Variants in PLA2G4C observed in about 807,000 individuals in gnomAD.
PLA2G4C encodes the protein cytosolic phospholipase A2 gamma.
PLA2G4C carries 64 observed loss-of-function variants against 73.8 expected under a neutral mutation model. The ratio of observed to expected loss-of-function variants is 0.87; its 90% CI spans 0.71 to 1.07. The LOEUF is 1.07. Among genes scored for constraint, PLA2G4C ranks in the 50% least tolerant of loss-of-function variants. PLA2G4C has a pLI of 0.00. For synonymous variants in PLA2G4C, 254 were observed against 252.1 expected, an observed-to-expected ratio of 1.01 and a Z score of -0.07; for missense variants, 622 against 665.4, an observed-to-expected ratio of 0.93 and a Z score of 0.72.
chr19:48,092,562 T>C lies in PLA2G4C; in HGVS notation c.710-2145A>G, dbSNP rs551688706. Among the ~76,000 whole-genome samples, 3 of 151,932 alleles carry C rather than the reference T, an allele frequency of 2.0e-5. No individual in the cohort carries two copies. In the South Asian group the frequency reaches 6.2e-4, roughly 31 times the overall value. Reference sequence around the variant, plus strand: ...AATGTGGTATATTCGTACAATGGAATATGATTCAGCCATAAAAAGAAAGGA... The same window carrying C: ...AATGTGGTATATTCGTACAATGGAACATGATTCAGCCATAAAAAGAAAGGA... On this transcript the variant is annotated intron_variant, in intron 7 of 16. Transcript: ENST00000599921.
chr19:48,089,238 C>T (rs779545008), intron 8 of PLA2G4C, among the ~76,000 whole-genome samples: 18 of 152,076 alleles, frequency 1.2e-4, no homozygotes, highest in Non-Finnish European at 7.4e-5. Context: ...ACCAGCCTGG[C>T]CAACATGGTG....
At chr19:48,057,701 G>A (rs1030401035) in intron 14 of PLA2G4C, among the ~76,000 whole-genome samples, 1 of 150,024 alleles carries the variant, frequency 6.7e-6, no homozygotes, top group Non-Finnish European at 1.5e-5. Flanking sequence ...TGTTGGCCAG[G>A]CTGGTCTCAA....
chr19:48,048,840 T>C (rs1967617698), intron 16 of PLA2G4C, among the ~76,000 whole-genome samples: 1 of 152,310 alleles, frequency 6.6e-6, no homozygotes, highest in South Asian at 2.1e-4. Flanking sequence ...CATGTTGAAA[T>C]GTGATCCCCA....
intron 14 of PLA2G4C, among the ~76,000 whole-genome samples, chr19:48,059,572 C>G (rs532517481): frequency 2.6e-5 from 4 of 152,184 alleles, no homozygotes; most frequent in African/African-American, 9.6e-5. Context: ...ACAAAGCAGA[C>G]AGAAGAAGGT....
intron 4 of PLA2G4C, among the ~76,000 whole-genome samples, chr19:48,101,821 C>G (rs910317398): frequency 6.6e-6 from 1 of 151,458 alleles, no homozygotes; most frequent in Non-Finnish European, 1.5e-5. Flanking sequence ...ATTACAGGTG[C>G]GTGCCACCAC....
At chr19:48,058,271 C>T (rs1414022157) in intron 14 of PLA2G4C, among the ~76,000 whole-genome samples, 2 of 151,672 alleles carry the variant, frequency 1.3e-5, no homozygotes, top group Admixed American at 6.6e-5. Flanking sequence ...TGCACTCCAG[C>T]CCGGGCAACA....
intron 1 of PLA2G4C, among the ~76,000 whole-genome samples, chr19:48,108,236 G>A (rs1269361679): frequency 6.6e-6 from 1 of 152,170 alleles, no homozygotes; most frequent in Non-Finnish European, 1.5e-5. Flanking sequence ...TTGGGCTCAA[G>A]CAATCCTCCT....
At chr19:48,049,436 C>G (rs1308272497) in intron 16 of PLA2G4C, among the ~76,000 whole-genome samples, 2 of 152,134 alleles carry the variant, frequency 1.3e-5, no homozygotes, top group Admixed American at 6.5e-5. Flanking sequence ...TCGGTCGTCT[C>G]CATGGCACTT....
chr19:48,073,901 C>T (rs62129320), intron 12 of PLA2G4C, among the ~76,000 whole-genome samples: 1 of 152,042 alleles, frequency 6.6e-6, no homozygotes, highest in Admixed American at 6.6e-5. Flanking sequence ...GGGATCCGCC[C>T]CCATGATCCA....
intron 4 of PLA2G4C, among the ~76,000 whole-genome samples, chr19:48,100,838 C>T (rs190446692): frequency 0.012 from 1,826 of 147,708 alleles, 44 homozygotes; most frequent in African/African-American, 0.043. Context: ...GGCGTGAACC[C>T]GGGAGGCTGA....
intron 10 of PLA2G4C, among the ~76,000 whole-genome samples, chr19:48,078,871 C>CTTTTT (rs33976382): frequency 0.017 from 2,311 of 137,894 alleles, 75 homozygotes; most frequent in African/African-American, 0.059. Context: ...TCCTAAAATC[C>CTTTTT]TTTTTTTTTT....
intron 5 of PLA2G4C, 149 bp downstream of exon 5, chr19:48,099,522 T>C: frequency 1.8e-6 from 1 of 568,452 alleles, no homozygotes; most frequent in Non-Finnish European, 3.1e-6. Context: ...ACTTTAGTTT[T>C]GAGGCATCAA....
At chr19:48,075,435 C>G (rs1265371544) in intron 11 of PLA2G4C, among the ~76,000 whole-genome samples, 2 of 151,980 alleles carry the variant, frequency 1.3e-5, no homozygotes, top group Admixed American at 6.6e-5. Flanking sequence ...GATCCACCCC[C>G]CTCAGCCTCC....
At chr19:48,095,013 G>A (rs939261988) in intron 7 of PLA2G4C, among the ~76,000 whole-genome samples, 2 of 152,192 alleles carry the variant, frequency 1.3e-5, no homozygotes, top group Admixed American at 6.5e-5. Context: ...TCAGCCTCCT[G>A]AGTAGCTGGG....
intron 12 of PLA2G4C, among the ~76,000 whole-genome samples, chr19:48,069,878 C>T (rs977109920): frequency 1.3e-5 from 2 of 152,152 alleles, no homozygotes; most frequent in African/African-American, 4.8e-5. Flanking sequence ...GATTCTCCTG[C>T]CTCAGCCTCC....
At chr19:48,074,140 C>G (rs1216602927) in intron 12 of PLA2G4C, among the ~76,000 whole-genome samples, 2 of 151,770 alleles carry the variant, frequency 1.3e-5, no homozygotes, top group African/African-American at 4.8e-5. Context: ...CTTCTCCCCA[C>G]CCGCCCCCAA....
At chr19:48,068,303 CAAAAAAAAAA>C (rs71181639) in intron 12 of PLA2G4C, among the ~76,000 whole-genome samples, 1 of 76,098 alleles carries the variant, frequency 1.3e-5, no homozygotes, top group African/African-American at 5.7e-5. Flanking sequence ...GACTCCATCT[CAAAAAAAAAA>C]AAAAAAAAAA....
At chr19:48,071,384 G>A (rs2011400) in intron 12 of PLA2G4C, among the ~76,000 whole-genome samples, 70,032 of 151,704 alleles carry the variant, frequency 0.46, 16,298 homozygotes, top group South Asian at 0.48. Context: ...TCCGCCTCCC[G>A]GGTTCAAGCG....
chr19:48,056,000 T>C (rs962204910), intron 14 of PLA2G4C, among the ~76,000 whole-genome samples: 2 of 152,158 alleles, frequency 1.3e-5, no homozygotes, highest in Non-Finnish European at 2.9e-5. Flanking sequence ...ATTTTAAAAA[T>C]AAATATTAAA....
Sources: gnomAD v4.1 joint callset for allele counts (sites outside exome capture counted in the v4.1 genomes callset) on GRCh38, gnomAD v4.1.1 for gene constraint, MANE v1.5 for transcripts, NCBI Gene and HGNC (gene_info 2026-07-23, HGNC 2026-07-21) for gene names.